The following MBNL2 variants were observed in gnomAD, a reference collection of about 807,000 sequenced individuals.
MBNL2 encodes muscleblind like splicing regulator 2, also known as muscleblind-like protein 2.
A neutral mutation model predicts 41.9 loss-of-function variants in MBNL2; 17 were observed. The ratio of observed to expected loss-of-function variants is 0.41; its 90% CI spans 0.28 to 0.61. The LOEUF is 0.61. MBNL2 is among the 20% of genes least tolerant of loss of function. MBNL2 has a pLI of 0.35. For missense variants in MBNL2, 336 were observed against 505.6 expected (o/e 0.66, Z 3.22); for synonymous variants, 195 against 182.9 (o/e 1.07, Z -0.53).
chr13:97,159,686 G>T, the MBNL2 span, among the ~76,000 whole-genome samples: 79 of 150,480 alleles, frequency 5.2e-4, 3 homozygotes, highest in South Asian at 8.3e-3. Context: ...GAAATTCTGG[G>T]TTGAAAATTC....
chr13:97,368,406 C>A (rs1326269823), intron 8 of MBNL2, among the ~76,000 whole-genome samples: 1 of 77,028 alleles, frequency 1.3e-5, no homozygotes, highest in Non-Finnish European at 2.7e-5. Flanking sequence ...AGAGTGACAC[C>A]CTGTCTTAAA....
At chr13:97,171,206 A>T in the MBNL2 span, among the ~76,000 whole-genome samples, 2 of 152,182 alleles carry the variant, frequency 1.3e-5, no homozygotes, top group East Asian at 3.9e-4. Context: ...ACTTCCTATA[A>T]GCCAGAAATT....
chr13:97,328,173 C>CTTT (rs35671709), intron 2 of MBNL2, among the ~76,000 whole-genome samples: 10 of 131,784 alleles, frequency 7.6e-5, no homozygotes, highest in East Asian at 4.3e-4. Context: ...TTCCTTAACC[C>CTTT]TTTTTTTTTT....
intron 2 of MBNL2, among the ~76,000 whole-genome samples, chr13:97,313,296 A>T (rs566293202): frequency 6.6e-6 from 1 of 152,310 alleles, no homozygotes; most frequent in South Asian, 2.1e-4. Context: ...GCTTATTCTG[A>T]AGCAATTTTC....
intron 1 of MBNL2, among the ~76,000 whole-genome samples, chr13:97,248,935 C>A (rs1008880786): frequency 1.3e-5 from 2 of 152,150 alleles, no homozygotes; most frequent in African/African-American, 2.4e-5. Context: ...CTACAATTTG[C>A]AAGCCATTGT....
chr13:97,270,669 T>C (rs2050766128), intron 1 of MBNL2, among the ~76,000 whole-genome samples: 1 of 152,240 alleles, frequency 6.6e-6, no homozygotes, highest in South Asian at 2.1e-4. Context: ...GATTTCTGCC[T>C]TGAACAGCAC....
chr13:97,246,315 TTATG>T (rs1460252495), intron 1 of MBNL2, among the ~76,000 whole-genome samples: 8 of 150,504 alleles, frequency 5.3e-5, no homozygotes, highest in African/African-American at 2.0e-4. Context: ...ACACACCTAT[TTATG>T]TGGGTGAATC....
intron 2 of MBNL2, among the ~76,000 whole-genome samples, chr13:97,330,077 T>C (rs956660517): frequency 2.6e-5 from 4 of 152,250 alleles, no homozygotes; most frequent in African/African-American, 9.6e-5. Context: ...GGAGACACCA[T>C]GTCTTGATTT....
chr13:97,208,107 G>T, the MBNL2 span, among the ~76,000 whole-genome samples: 3 of 152,200 alleles, frequency 2.0e-5, no homozygotes, highest in Non-Finnish European at 4.4e-5. Context: ...TGTTGAGTCC[G>T]TGAAATTAAG....
the MBNL2 span, among the ~76,000 whole-genome samples, chr13:97,142,597 T>C: frequency 6.6e-6 from 1 of 152,130 alleles, no homozygotes; most frequent in African/African-American, 2.4e-5. Context: ...CTTGGAAGAG[T>C]CTATGGCTGG....
the MBNL2 span, among the ~76,000 whole-genome samples, chr13:97,180,589 G>T: frequency 6.6e-6 from 1 of 151,718 alleles, no homozygotes; most frequent in Non-Finnish European, 1.5e-5. Context: ...ACAAAAACTA[G>T]CTGGGTGTGG....
At chr13:97,153,866 T>A in the MBNL2 span, among the ~76,000 whole-genome samples, 1 of 152,178 alleles carries the variant, frequency 6.6e-6, no homozygotes, top group African/African-American at 2.4e-5. Flanking sequence ...CCAAACATGT[T>A]GTGCCTATAA....
chr13:97,357,419 T>G, intron 6 of MBNL2, 63 bp from the exon 7 acceptor site: 1 of 1,368,854 alleles, frequency 7.3e-7, no homozygotes, highest in Admixed American at 1.7e-5. Flanking sequence ...TGATGATCTC[T>G]GTGAACATGG....
chr13:97,189,744 A>G, the MBNL2 span, among the ~76,000 whole-genome samples: 1 of 152,236 alleles, frequency 6.6e-6, no homozygotes, highest in African/African-American at 2.4e-5. Flanking sequence ...TGGCTCATCT[A>G]TCACCCTATG....
At chr13:97,220,617 A>T (rs1286460453), upstream of MBNL2, among the ~76,000 whole-genome samples, 3 of 152,120 alleles carry the variant, frequency 2.0e-5, no homozygotes, top group Non-Finnish European at 2.9e-5. Flanking sequence ...ACATGATTTT[A>T]AAAAACCCGT....
the MBNL2 span, among the ~76,000 whole-genome samples, chr13:97,183,487 C>T: frequency 6.6e-6 from 1 of 152,192 alleles, no homozygotes; most frequent in Admixed American, 6.5e-5. Flanking sequence ...TCCCTCTACC[C>T]TTCTCTGAGC....
At chr13:97,282,788 T>C (rs1425502643) in intron 2 of MBNL2, among the ~76,000 whole-genome samples, 1 of 152,186 alleles carries the variant, frequency 6.6e-6, no homozygotes, top group Admixed American at 6.5e-5. Context: ...CATGTCATAG[T>C]TTACTCCTGG....
chr13:97,293,336 TC>T (rs2056484517), intron 2 of MBNL2, among the ~76,000 whole-genome samples: 1 of 152,228 alleles, frequency 6.6e-6, no homozygotes, highest in African/African-American at 2.4e-5. Flanking sequence ...ATTTGGTTTT[TC>T]TTTTTCCTTT....
chr13:97,189,985 T>C, the MBNL2 span, among the ~76,000 whole-genome samples: 126 of 152,370 alleles, frequency 8.3e-4, no homozygotes, highest in Non-Finnish European at 1.3e-3. Flanking sequence ...CAGCCTGATA[T>C]GTTTTTTATC....
Sources: allele counts gnomAD v4.1 joint callset (sites outside exome capture counted in the v4.1 genomes callset), GRCh38; gene constraint gnomAD v4.1.1; transcripts MANE v1.5; gene names NCBI Gene and HGNC (gene_info 2026-07-23, HGNC 2026-07-21).